ARHGAP42: variants seen among roughly 807,000 people sequenced by gnomAD.
ARHGAP42 encodes the protein Rho GTPase activating protein 42, also known as rho GTPase-activating protein 42.
A neutral mutation model predicts 125.0 loss-of-function variants in ARHGAP42; 63 were observed. The observed-to-expected ratio is 0.50, with a 90% CI of 0.41 to 0.62. ARHGAP42 has a LOEUF of 0.62. ARHGAP42 is among the 20% of genes least tolerant of loss of function. The pLI is 0.00. For synonymous variants in ARHGAP42, 339 were observed against 351.0 expected (o/e 0.97, Z 0.38); for missense variants, 766 against 1,024.2 (o/e 0.75, Z 3.44).
intron 2 of ARHGAP42, among the ~76,000 whole-genome samples, chr11:100,778,586 T>C (rs1863188753): frequency 6.6e-6 from 1 of 152,098 alleles, no homozygotes; most frequent in Admixed American, 6.6e-5. Flanking sequence ...ACCACCCTTA[T>C]TTTTGTACCC....
intron 5 of ARHGAP42, among the ~76,000 whole-genome samples, chr11:100,914,704 T>C (rs1477168920): frequency 6.6e-6 from 1 of 152,140 alleles, no homozygotes; most frequent in African/African-American, 2.4e-5. Context: ...TCTTCACTTA[T>C]AGTTGTTGTA....
intron 1 of ARHGAP42, among the ~76,000 whole-genome samples, chr11:100,735,602 CTTTTTTTTTTTT>C (rs58522622): frequency 5.5e-5 from 4 of 73,048 alleles, no homozygotes; most frequent in Non-Finnish European, 9.6e-5. Flanking sequence ...TTTACTTGTA[CTTTTTTTTTTTT>C]TTTTTTTTTT....
intron 2 of ARHGAP42, among the ~76,000 whole-genome samples, chr11:100,781,755 T>C (rs766498940): frequency 6.6e-6 from 1 of 152,242 alleles, no homozygotes; most frequent in Non-Finnish European, 1.5e-5. Flanking sequence ...AATATACAGA[T>C]ATCTGTAATT....
At chr11:100,784,992 C>T (rs144216489) in intron 2 of ARHGAP42, among the ~76,000 whole-genome samples, 307 of 152,300 alleles carry the variant, frequency 2.0e-3, no homozygotes, top group African/African-American at 7.0e-3. Context: ...TAAATCTCCT[C>T]CTCCTTTCCA....
At chr11:100,898,819 G>A (rs539707806) in intron 4 of ARHGAP42, among the ~76,000 whole-genome samples, 249 of 152,066 alleles carry the variant, frequency 1.6e-3, no homozygotes, top group African/African-American at 5.7e-3. Context: ...TTTTTTTGAA[G>A]GGTTTTTCAT....
At chr11:100,732,419 A>G (rs1304992314) in intron 1 of ARHGAP42, among the ~76,000 whole-genome samples, 1 of 152,162 alleles carries the variant, frequency 6.6e-6, no homozygotes. Flanking sequence ...AACAGTCTAT[A>G]TGTCTCTACC....
intron 3 of ARHGAP42, among the ~76,000 whole-genome samples, chr11:100,817,220 A>G (rs1307614892): frequency 6.6e-6 from 1 of 152,178 alleles, no homozygotes; most frequent in Non-Finnish European, 1.5e-5. Context: ...TCTACCCACT[A>G]AATGCCAGTA....
intron 12 of ARHGAP42, among the ~76,000 whole-genome samples, chr11:100,954,062 C>T (rs1397781878): frequency 6.6e-6 from 1 of 152,126 alleles, no homozygotes; most frequent in African/African-American, 2.4e-5. Flanking sequence ...CATCTTGGAA[C>T]AGTCATTTAC....
intron 23 of ARHGAP42, 57 bp downstream of exon 23, chr11:100,987,649 A>G: frequency 1.4e-6 from 2 of 1,461,146 alleles, no homozygotes; most frequent in South Asian, 1.2e-5. Flanking sequence ...ATGAAGGAAT[A>G]GTATGGTGGT....
chr11:100,944,092 A>G (rs1867953940), intron 10 of ARHGAP42, among the ~76,000 whole-genome samples: 1 of 152,074 alleles, frequency 6.6e-6, no homozygotes, highest in Non-Finnish European at 1.5e-5. Flanking sequence ...CAGAATCTGA[A>G]AAATCAATAT....
intron 4 of ARHGAP42, among the ~76,000 whole-genome samples, chr11:100,879,803 C>G (rs995920167): frequency 6.6e-6 from 1 of 152,164 alleles, no homozygotes; most frequent in African/African-American, 2.4e-5. Flanking sequence ...TTGATCATTT[C>G]TTCTCTGTCT....
intron 4 of ARHGAP42, among the ~76,000 whole-genome samples, chr11:100,867,196 C>T (rs1271363754): frequency 6.6e-6 from 1 of 152,204 alleles, no homozygotes; most frequent in Non-Finnish European, 1.5e-5. Context: ...AACTTAAAGT[C>T]ACCAGCTGCA....
chr11:100,984,958 G>A (rs955026631), intron 22 of ARHGAP42, among the ~76,000 whole-genome samples: 2 of 152,074 alleles, frequency 1.3e-5, no homozygotes, highest in African/African-American at 4.8e-5. Flanking sequence ...TACAGATCTC[G>A]GCAGAAGAAA....
chr11:100,741,768 CA>C (rs1049378139), intron 1 of ARHGAP42, among the ~76,000 whole-genome samples: 4 of 152,144 alleles, frequency 2.6e-5, no homozygotes, highest in African/African-American at 7.2e-5. Context: ...TTGGTGAAAT[CA>C]AATAACTTAG....
At chr11:100,727,527 C>T (rs551440493) in intron 1 of ARHGAP42, among the ~76,000 whole-genome samples, 1 of 152,260 alleles carries the variant, frequency 6.6e-6, no homozygotes, top group Admixed American at 6.5e-5. Flanking sequence ...TTCAGCTCCA[C>T]CCCCACCCTC....
At chr11:100,709,968 G>A (rs1029898092) in intron 1 of ARHGAP42, among the ~76,000 whole-genome samples, 1 of 152,146 alleles carries the variant, frequency 6.6e-6, no homozygotes, top group African/African-American at 2.4e-5. Context: ...ATGGAGTTTG[G>A]GAAGCCCCAG....
At chr11:100,892,097 C>T (rs749905437) in intron 4 of ARHGAP42, among the ~76,000 whole-genome samples, 5 of 152,256 alleles carry the variant, frequency 3.3e-5, no homozygotes, top group East Asian at 1.9e-4. Flanking sequence ...GCTACATTTA[C>T]GGAAAGCCTT....
At chr11:100,827,986 A>G (rs1281108472) in intron 3 of ARHGAP42, among the ~76,000 whole-genome samples, 2 of 152,210 alleles carry the variant, frequency 1.3e-5, no homozygotes, top group African/African-American at 4.8e-5. Context: ...CTAAGTGTTC[A>G]GAAAAGCCAC....
intron 12 of ARHGAP42, among the ~76,000 whole-genome samples, chr11:100,957,770 A>T (rs1456242333): frequency 6.6e-6 from 1 of 152,114 alleles, no homozygotes; most frequent in Non-Finnish European, 1.5e-5. Flanking sequence ...GTAAGATGTC[A>T]TTCTACATGA....
Sources: allele counts gnomAD v4.1 joint callset (sites outside exome capture counted in the v4.1 genomes callset), GRCh38; gene constraint gnomAD v4.1.1; transcripts MANE v1.5; gene names NCBI Gene and HGNC (gene_info 2026-07-23, HGNC 2026-07-21).